The following PIKFYVE variants were observed in gnomAD, a reference collection of about 807,000 sequenced individuals.
The protein encoded by PIKFYVE is phosphoinositide kinase, FYVE-type zinc finger containing.
A neutral mutation model predicts 257.9 loss-of-function variants in PIKFYVE; 122 were observed. That is an observed-to-expected ratio of 0.47 (90% confidence interval 0.41 to 0.55). PIKFYVE has a LOEUF of 0.55. Among genes scored for constraint, PIKFYVE ranks in the 20% least tolerant of loss-of-function variants. The probability of loss-of-function intolerance (pLI) is 0.00; values close to 1 mark genes in which losing one functional copy is unlikely to be tolerated. For missense variants in PIKFYVE, 2,160 were observed against 2,536.6 expected, an observed-to-expected ratio of 0.85 and a Z score of 3.19; for synonymous variants, 892 against 868.9, an observed-to-expected ratio of 1.03 and a Z score of -0.47.
intron 3 of PIKFYVE, among the ~76,000 whole-genome samples, chr2:208,275,710 C>G (rs963856014): frequency 6.6e-6 from 1 of 152,108 alleles, no homozygotes; most frequent in African/African-American, 2.4e-5. Flanking sequence ...TCCCTCCCAG[C>G]CAAAACAGCA....
chr2:208,326,360 A>G lies in PIKFYVE; in HGVS notation c.3549A>G (p.Gln1183=), dbSNP rs532684158. The G allele has an allele frequency of 3.3e-5, 53 of 1,613,902 alleles. No homozygotes were observed. The South Asian group carries it at 5.7e-4, about 17-fold the overall frequency. Residue 1183 remains glutamine (Q), a synonymous_variant, in exon 20 of 42, where the codon CAA becomes CAG. Transcript: ENST00000264380. ...ATGCATCAAGTACTTCAAGTGGCCA[A>G]TCAGGAAGCAAAAATGAGGGTGATG... The part of the protein sequence containing the change: ...SKDASSTSSG[Q]SGSKNEGDEE...
At position 208,315,164 on chromosome 2, in the gene PIKFYVE, C is replaced by T. The variant is rs753989894; in HGVS notation, c.1827-29C>T. 9.4e-6 allele frequency: 15 copies of T among 1,588,580 alleles called. No homozygotes were observed. The African/African-American group carries it at 2.0e-4, about 21-fold the overall frequency. On this transcript the variant is annotated intron_variant, in intron 14 of 41. Coordinates refer to ENST00000264380, the MANE Select transcript of PIKFYVE (RefSeq NM_015040.4). The stretch of plus-strand genomic sequence containing the variant: ...ATTGTCTCTGGCAGTATTAACTATG[C>T]AAACTTCTTTCTTATAATATTTTTG...
chr2:208,271,639 C>G lies in PIKFYVE; in HGVS notation c.120C>G (p.Pro40=), dbSNP rs768160183. ...FKPLTPDQDE[P]PFKSAYSSFV... Reference sequence around the variant, plus strand: ...CTTTGACTCCTGATCAAGATGAGCCCCCTTTTAAATCAGCTTATAGTTCTT... The same window carrying G: ...CTTTGACTCCTGATCAAGATGAGCCGCCTTTTAAATCAGCTTATAGTTCTT... Residue 40 remains proline (P), a synonymous_variant, in exon 2 of 42, where the codon CCC becomes CCG. Coordinates refer to ENST00000264380, the MANE Select transcript of PIKFYVE (RefSeq NM_015040.4). The G allele has an allele frequency of 3.1e-6, 5 of 1,613,936 alleles. No individual in the cohort carries two copies. Among genetic ancestry groups the G allele is most frequent in the Non-Finnish European group, 3.4e-6 (4 of 1,179,904 alleles).
chr2:208,353,576 A>G (rs181494436), intron 39 of PIKFYVE, among the ~76,000 whole-genome samples: 104 of 151,892 alleles, frequency 6.8e-4, no homozygotes, highest in East Asian at 5.0e-3. Context: ...TTGTGATCCA[A>G]TGATGTATTT....
At chr2:208,273,799 T>C in intron 3 of PIKFYVE, 66 bp downstream of exon 3, 1 of 1,585,054 alleles carries the variant, frequency 6.3e-7, no homozygotes, top group Non-Finnish European at 8.7e-7. Flanking sequence ...TTGTGTTTCC[T>C]AGGTTGTTTA....
intron 41 of PIKFYVE, 136 bp from the exon 42 acceptor site, chr2:208,355,054 C>A: frequency 1.4e-6 from 1 of 738,346 alleles, no homozygotes; most frequent in African/African-American, 1.7e-5. Context: ...CAACAGATAA[C>A]CTTTCCTGCC....
intron 1 of PIKFYVE, chr2:208,269,935 C>G (rs1284114759): frequency 8.0e-6 from 2 of 250,278 alleles, no homozygotes; most frequent in African/African-American, 2.3e-5. Context: ...GCTGGTTCCT[C>G]CCAGAATATC....
intron 2 of PIKFYVE, among the ~76,000 whole-genome samples, chr2:208,272,966 T>C (rs571523876): frequency 2.4e-4 from 37 of 152,324 alleles, no homozygotes; most frequent in African/African-American, 8.4e-4. Context: ...AAATTACGTA[T>C]TTTATTTAGA....
intron 33 of PIKFYVE, 63 bp from the exon 34 acceptor site, chr2:208,345,987 C>T (rs943683956): frequency 3.4e-6 from 4 of 1,170,806 alleles, no homozygotes; most frequent in East Asian, 4.9e-5. Flanking sequence ...GTGTAGAGTA[C>T]TTACTATTTT....
chr2:208,339,906 G>A, intron 30 of PIKFYVE, 105 bp from the exon 31 acceptor site: 2 of 1,287,200 alleles, frequency 1.6e-6, no homozygotes, highest in Admixed American at 2.0e-5. Flanking sequence ...TATTGGTATA[G>A]TATACATATG....
rs993678527 is a variant in PIKFYVE at position 208,305,264 on chromosome 2, T to C, written c.1636+251T>C. On this transcript the variant is annotated intron_variant, in intron 12 of 41. Coordinates refer to ENST00000264380, the MANE Select transcript of PIKFYVE (RefSeq NM_015040.4). ...AAAGCTTGTAGTCTTTAAAAGGAAC[T>C]ACATCTGACTGCTCTTCCCATAATG... is the stretch of plus-strand genomic sequence containing the variant. 4 of 1,353,238 alleles carry C rather than the reference T, an allele frequency of 3.0e-6. No homozygotes were observed. The African/African-American group carries it at 4.4e-5, about 15-fold the overall frequency. The allele number at this position is 1,353,238 out of a possible 1,614,324, so 83.8% of individuals were successfully genotyped here.
intron 31 of PIKFYVE, among the ~76,000 whole-genome samples, chr2:208,342,264 G>A (rs1198383411): frequency 6.6e-6 from 1 of 152,208 alleles, no homozygotes; most frequent in East Asian, 1.9e-4. Context: ...GCTTGTAATG[G>A]AACAAAATAT....
In PIKFYVE at chr2:208,273,696, G is replaced by A. The variant is rs1390603562; in HGVS notation, c.285G>A (p.Gln95=). The A allele has an allele frequency of 7.4e-6, 12 of 1,614,024 alleles. No individual in the cohort carries two copies. The East Asian group carries it at 2.7e-4, about 36-fold the overall frequency. Residue 95 remains glutamine (Q), a synonymous_variant, in exon 3 of 42, where the codon CAG becomes CAA. Coordinates refer to ENST00000264380, the MANE Select transcript of PIKFYVE (RefSeq NM_015040.4). ...GGTCACCCACACCTTATAAAAAGCAGCTTAATGAGGAACTCCAGCGGCGCT... is the reference window on the plus strand; with the variant it reads ...GGTCACCCACACCTTATAAAAAGCAACTTAATGAGGAACTCCAGCGGCGCT... The part of the protein sequence containing the change: ...SVRSPTPYKK[Q]LNEELQRRSS...
In PIKFYVE at chr2:208,348,937, C is replaced by A. The variant is rs1166249360; in HGVS notation, c.5374+914C>A. ...CAGCACTTTGGGAGGCTGAGGCGGG[C>A]GGATCACTTGAGACTAGGAGTTGGA... On this transcript the variant is annotated intron_variant, in intron 35 of 41. Transcript: ENST00000264380. 7.9e-5 allele frequency among the ~76,000 whole-genome samples: 12 copies of A among 151,814 alleles called. No homozygotes were observed. In the East Asian group the frequency reaches 1.6e-3, roughly 20 times the overall value.
chr2:208,307,367 C>A lies in PIKFYVE; in HGVS notation c.1636+2354C>A, dbSNP rs1310848574. On this transcript the variant is annotated intron_variant, in intron 12 of 41. Coordinates refer to ENST00000264380, the MANE Select transcript of PIKFYVE (RefSeq NM_015040.4). The stretch of plus-strand genomic sequence containing the variant: ...AGACTAACTTTATCAGGAAAGAATA[C>A]ACATGGTTAAGAGGAAAGTGAAGTT... Among the ~76,000 whole-genome samples the A allele has an allele frequency of 3.9e-5, 6 of 152,274 alleles. No individual in the cohort carries two copies. The South Asian group carries it at 1.0e-3, about 26-fold the overall frequency.
intron 17 of PIKFYVE, 75 bp from the exon 18 acceptor site, chr2:208,324,067 T>C: frequency 6.5e-7 from 1 of 1,531,000 alleles, no homozygotes; most frequent in Admixed American, 1.7e-5. Context: ...GGTTGCCTGT[T>C]CACTCTGATG....
chr2:208,289,434 CTTA>C (rs1372690182), intron 7 of PIKFYVE, among the ~76,000 whole-genome samples: 2 of 151,476 alleles, frequency 1.3e-5, no homozygotes, highest in Admixed American at 6.6e-5. Context: ...TTTTATTTAT[CTTA>C]TTATTATTTT....
intron 29 of PIKFYVE, 102 bp from the exon 30 acceptor site, chr2:208,339,316 A>G (rs1043219707): frequency 8.7e-6 from 12 of 1,377,806 alleles, no homozygotes; most frequent in Admixed American, 8.5e-5. Flanking sequence ...TAAAAATTCT[A>G]CCTTTTAGGA....
At chr2:208,288,511 T>A (rs1452251122) in intron 6 of PIKFYVE, among the ~76,000 whole-genome samples, 1 of 152,252 alleles carries the variant, frequency 6.6e-6, no homozygotes, top group African/African-American at 2.4e-5. Flanking sequence ...AAAAACTTTT[T>A]AAAATTGTCA....
Sources: allele counts gnomAD v4.1 joint callset (sites outside exome capture counted in the v4.1 genomes callset), GRCh38; gene constraint gnomAD v4.1.1; transcripts MANE v1.5; gene names NCBI Gene and HGNC (gene_info 2026-07-23, HGNC 2026-07-21).